The following DYNLRB1 variants were observed in gnomAD, a reference collection of about 807,000 sequenced individuals.
DYNLRB1 encodes the protein dynein light chain roadblock-type 1.
In DYNLRB1, 6 loss-of-function variants were observed where a neutral mutation model predicts 13.5. That is an observed-to-expected ratio of 0.44 (90% CI 0.24 to 0.88). The LOEUF (loss-of-function observed/expected upper bound fraction) is 0.88. Among genes scored for constraint, DYNLRB1 ranks in the 40% least tolerant of loss-of-function variants. DYNLRB1 has a pLI of 0.21. For synonymous variants in DYNLRB1, 43 were observed against 45.0 expected, an observed-to-expected ratio of 0.96 and a Z score of 0.18; for missense variants, 93 against 127.2, an observed-to-expected ratio of 0.73 and a Z score of 1.29.
intron 3 of DYNLRB1, chr20:34,535,562 G>C (rs1432819938): frequency 1.1e-6 from 1 of 885,124 alleles, no homozygotes; most frequent in Non-Finnish European, 1.4e-6. Flanking sequence ...CTCACTCATG[G>C]ACTGGGGTGG....
intron 2 of DYNLRB1, chr20:34,530,690 C>T (rs998965398): frequency 6.6e-6 from 1 of 152,206 alleles, no homozygotes; most frequent in African/African-American, 2.4e-5. Context: ...GTCACACTTC[C>T]CACTGATCCA....
chr20:34,516,691 G>C, intron 1 of DYNLRB1: 1 of 1,501,372 alleles, frequency 6.7e-7, no homozygotes, highest in East Asian at 2.5e-5. Context: ...CCGGAAGCGG[G>C]AGCCCAGCCT....
chr20:34,529,763 G>C, intron 2 of DYNLRB1: 1 of 1,176,026 alleles, frequency 8.5e-7, no homozygotes, highest in Non-Finnish European at 1.1e-6. Context: ...TTCCAAGTCA[G>C]CAGAGCCCTG....
intron 1 of DYNLRB1, among the ~76,000 whole-genome samples, chr20:34,521,793 T>A (rs185792474): frequency 6.6e-6 from 1 of 152,268 alleles, no homozygotes; most frequent in East Asian, 1.9e-4. Flanking sequence ...ACGCCTGTAG[T>A]CCCAACAGTT....
At chr20:34,526,433 C>T in intron 2 of DYNLRB1, 90 bp downstream of exon 2, 2 of 1,142,630 alleles carry the variant, frequency 1.8e-6, no homozygotes, top group Non-Finnish European at 2.5e-6. Context: ...CTAAGCCCTT[C>T]ATGAATCTGA....
In DYNLRB1 at chr20:34,528,331, A is replaced by C. The variant is rs1224910499; in HGVS notation, c.79+1988A>C. ...CGTCTCAAAAAAAAAAAAAAAAAAA[A>C]AAAAAAAAAAAAACTACCCTACTGG... On this transcript the variant is annotated intron_variant, in intron 2 of 3. Transcript: ENST00000357156. Among the ~76,000 whole-genome samples the C allele has an allele frequency of 7.8e-5, 3 of 38,434 alleles. 1 individual carries two copies. Among genetic ancestry groups the C allele is most frequent in the African/African-American group, 3.1e-4 (3 of 9,802 alleles). The allele number at this position is 38,434 out of a possible 152,430, so 25.2% of individuals were successfully genotyped here.
chr20:34,539,282 A>T (rs963748925), intron 3 of DYNLRB1, among the ~76,000 whole-genome samples: 1 of 152,176 alleles, frequency 6.6e-6, no homozygotes, highest in Non-Finnish European at 1.5e-5. Context: ...TCCTCCTTAC[A>T]GGGCCAGATC....
At chr20:34,532,323 G>A (rs1457384391) in intron 2 of DYNLRB1, among the ~76,000 whole-genome samples, 1 of 152,190 alleles carries the variant, frequency 6.6e-6, no homozygotes, top group African/African-American at 2.4e-5. Context: ...AGCTCAGGAG[G>A]TTTCATCACT....
intron 2 of DYNLRB1, among the ~76,000 whole-genome samples, chr20:34,529,189 G>A (rs1041355477): frequency 4.6e-5 from 7 of 152,140 alleles, no homozygotes; most frequent in South Asian, 2.1e-4. Flanking sequence ...ACATTATTGC[G>A]GCCACCTTTA....
chr20:34,522,577 A>G (rs1431965766), intron 1 of DYNLRB1, among the ~76,000 whole-genome samples: 2 of 144,390 alleles, frequency 1.4e-5, no homozygotes, highest in African/African-American at 2.6e-5. Flanking sequence ...GGCTCAGGCA[A>G]TCCTTTCACC....
chr20:34,516,060 TTTTG>T (rs1353963677), upstream of DYNLRB1, among the ~76,000 whole-genome samples: 1 of 152,056 alleles, frequency 6.6e-6, no homozygotes, highest in Admixed American at 6.5e-5. Flanking sequence ...GCCCGGCTAA[TTTTG>T]TTTATTTTTT....
At chr20:34,534,876 G>A (rs1425538787) in intron 3 of DYNLRB1, 81 bp downstream of exon 3, 11 of 1,603,170 alleles carry the variant, frequency 6.9e-6, no homozygotes, top group South Asian at 4.5e-5. Flanking sequence ...CTGGCACAGT[G>A]GTGTCTCCAG....
intron 2 of DYNLRB1, among the ~76,000 whole-genome samples, chr20:34,534,265 A>G (rs1208162992): frequency 1.3e-5 from 2 of 152,214 alleles, no homozygotes; most frequent in South Asian, 4.1e-4. Flanking sequence ...CATGAATCAG[A>G]GCTAGTCTCT....
At position 34,538,226 on chromosome 20, in the gene DYNLRB1, C is replaced by T. The variant is rs533067889; in HGVS notation, c.248-2355C>T. Among the ~76,000 whole-genome samples, 6 of 151,286 alleles carry T rather than the reference C, an allele frequency of 4.0e-5. No individual in the cohort carries two copies. In the South Asian group the frequency reaches 8.4e-4, roughly 21 times the overall value. On this transcript the variant is annotated intron_variant, in intron 3 of 3. Coordinates refer to ENST00000357156, the MANE Select transcript of DYNLRB1 (RefSeq NM_014183.4). ...CAAGCGATTCTCCCACCTCAGCCTC[C>T]CAAAGTGCTGGGATTATATGCGTGA...
upstream of DYNLRB1, among the ~76,000 whole-genome samples, chr20:34,516,165 A>G (rs1979146696): frequency 6.6e-6 from 1 of 152,222 alleles, no homozygotes; most frequent in Non-Finnish European, 1.5e-5. Context: ...AAAGTGCTGG[A>G]ATTACAGGCG....
intron 1 of DYNLRB1, among the ~76,000 whole-genome samples, chr20:34,523,349 T>G (rs1979916978): frequency 6.6e-6 from 1 of 152,122 alleles, no homozygotes; most frequent in South Asian, 2.1e-4. Context: ...ACTCTTTACC[T>G]CAAAACTTGA....
At chr20:34,529,383 G>A (rs1284580275) in intron 2 of DYNLRB1, among the ~76,000 whole-genome samples, 1 of 152,188 alleles carries the variant, frequency 6.6e-6, no homozygotes, top group East Asian at 1.9e-4. Context: ...TACTTAAGCA[G>A]AATGAAAGCC....
Position 34,516,705 on chromosome 20 carries a change from C to A in DYNLRB1, c.3+244C>A. Reference sequence around the variant, plus strand: ...ACCGGAAGCGGGAGCCCAGCCTCGGCCAGGAAGAGATGATGGGCGAGGGGT... The same window carrying A: ...ACCGGAAGCGGGAGCCCAGCCTCGGACAGGAAGAGATGATGGGCGAGGGGT... On this transcript the variant is annotated intron_variant, in intron 1 of 3. Transcript: ENST00000357156. 3.9e-6 allele frequency: 6 copies of A among 1,524,496 alleles called. No homozygotes were observed. In the South Asian group the frequency reaches 5.0e-5, roughly 13 times the overall value. The allele number at this position is 1,524,496 out of a possible 1,614,324, so 94.4% of individuals were successfully genotyped here. A position where few individuals can be genotyped will look rare whatever the true frequency, so the allele number is the denominator to read the frequency against.
chr20:34,516,946 T>G, intron 1 of DYNLRB1: 1 of 1,362,622 alleles, frequency 7.3e-7, no homozygotes, highest in Non-Finnish European at 9.5e-7. Flanking sequence ...GCCAAGTGCT[T>G]TGCCCCAGGA....
Sources: allele counts gnomAD v4.1 joint callset (sites outside exome capture counted in the v4.1 genomes callset), GRCh38; gene constraint gnomAD v4.1.1; transcripts MANE v1.5; gene names NCBI Gene and HGNC (gene_info 2026-07-23, HGNC 2026-07-21).